Variants in RIC8B observed in about 807,000 individuals in gnomAD.
RIC8B encodes the protein RIC8 guanine nucleotide exchange factor B, also known as chaperone Ric-8B.
Under a neutral mutation model 57.5 loss-of-function variants are expected in RIC8B, and 16 were observed. The observed-to-expected ratio is 0.28, with a 90% CI of 0.19 to 0.42. RIC8B has a LOEUF of 0.42. Among genes scored for constraint, RIC8B ranks in the 10% least tolerant of loss-of-function variants. The pLI is 1.00. For synonymous variants in RIC8B, 216 were observed against 250.8 expected, an observed-to-expected ratio of 0.86 and a Z score of 1.31; for missense variants, 481 against 677.0, an observed-to-expected ratio of 0.71 and a Z score of 3.21.
intron 6 of RIC8B, among the ~76,000 whole-genome samples, chr12:106,850,026 A>G (rs141128919): frequency 7.9e-5 from 12 of 152,352 alleles, no homozygotes; most frequent in African/African-American, 2.9e-4. Flanking sequence ...GCAGGCGAGC[A>G]TTACTGCCTG....
intron 4 of RIC8B, among the ~76,000 whole-genome samples, chr12:106,839,681 C>A (rs559192841): frequency 6.6e-6 from 1 of 152,130 alleles, no homozygotes; most frequent in African/African-American, 2.4e-5. Flanking sequence ...ATAGGTCTTA[C>A]GTTAAGTGCT....
At chr12:106,863,992 T>TA (rs1264912274) in intron 8 of RIC8B, among the ~76,000 whole-genome samples, 2 of 152,170 alleles carry the variant, frequency 1.3e-5, no homozygotes, top group African/African-American at 4.8e-5. Context: ...TTTATGTGGC[T>TA]AATACATGGT....
intron 6 of RIC8B, among the ~76,000 whole-genome samples, chr12:106,845,375 TCTTGA>T (rs1273893385): frequency 6.6e-6 from 1 of 152,182 alleles, no homozygotes; most frequent in Non-Finnish European, 1.5e-5. Context: ...CACTCTCATT[TCTTGA>T]CTTTGTTTCC....
intron 9 of RIC8B, among the ~76,000 whole-genome samples, chr12:106,881,869 T>A (rs1302301753): frequency 6.6e-6 from 1 of 152,132 alleles, no homozygotes; most frequent in East Asian, 1.9e-4. Context: ...CAGTCACACA[T>A]CTGTAAATGA....
chr12:106,781,516 T>A (rs1214951606), intron 1 of RIC8B, among the ~76,000 whole-genome samples: 2 of 152,204 alleles, frequency 1.3e-5, no homozygotes, highest in African/African-American at 2.4e-5. Context: ...CTTAGAGGTT[T>A]GAGCTTCTGA....
intron 4 of RIC8B, among the ~76,000 whole-genome samples, chr12:106,826,080 T>G (rs747096981): frequency 2.8e-4 from 43 of 152,322 alleles, no homozygotes; most frequent in Admixed American, 5.2e-4. Context: ...CCACAAATAG[T>G]TACTGTTCTT....
intron 9 of RIC8B, among the ~76,000 whole-genome samples, chr12:106,885,659 A>G (rs1303097780): frequency 6.6e-6 from 1 of 151,526 alleles, no homozygotes; most frequent in Non-Finnish European, 1.5e-5. Flanking sequence ...GACTTTTCAT[A>G]CTTTTAATTG....
intron 1 of RIC8B, among the ~76,000 whole-genome samples, chr12:106,781,114 A>G (rs2043744051): frequency 6.6e-6 from 1 of 152,014 alleles, no homozygotes; most frequent in African/African-American, 2.4e-5. Context: ...AAATTGAACA[A>G]TGGTTTAACT....
chr12:106,796,055 A>T (rs1401403869), intron 2 of RIC8B, among the ~76,000 whole-genome samples: 2 of 152,228 alleles, frequency 1.3e-5, no homozygotes, highest in Non-Finnish European at 2.9e-5. Flanking sequence ...AAGACTTACT[A>T]TTGCTAAAAT....
At chr12:106,803,205 T>A (rs1414101710) in intron 2 of RIC8B, among the ~76,000 whole-genome samples, 1 of 102,004 alleles carries the variant, frequency 9.8e-6, no homozygotes, top group Non-Finnish European at 1.9e-5. Flanking sequence ...AGAGTGATGA[T>A]ACCCTGTCTC....
chr12:106,820,280 G>A (rs1469801190), intron 3 of RIC8B, among the ~76,000 whole-genome samples: 2 of 152,116 alleles, frequency 1.3e-5, no homozygotes, highest in Non-Finnish European at 2.9e-5. Flanking sequence ...TTAAATTCGT[G>A]CCTGCCTGCT....
At chr12:106,817,374 C>T (rs1488174517) in intron 3 of RIC8B, among the ~76,000 whole-genome samples, 1 of 152,038 alleles carries the variant, frequency 6.6e-6, no homozygotes, top group Non-Finnish European at 1.5e-5. Context: ...GAAGGTCTCT[C>T]CTGAGATCTG....
At chr12:106,792,647 A>G (rs1593107042) in intron 2 of RIC8B, among the ~76,000 whole-genome samples, 1 of 152,180 alleles carries the variant, frequency 6.6e-6, no homozygotes, top group Non-Finnish European at 1.5e-5. Context: ...TCTAAAAGTA[A>G]GAAAAGTGGG....
At chr12:106,833,400 G>A (rs1254415471) in intron 4 of RIC8B, among the ~76,000 whole-genome samples, 4 of 152,004 alleles carry the variant, frequency 2.6e-5, no homozygotes, top group African/African-American at 4.8e-5. Flanking sequence ...TCAGAAGTTC[G>A]AGACCAGCCT....
intron 3 of RIC8B, among the ~76,000 whole-genome samples, chr12:106,824,559 A>G (rs2046004642): frequency 6.6e-6 from 1 of 152,180 alleles, no homozygotes; most frequent in Non-Finnish European, 1.5e-5. Flanking sequence ...TGTATAATTT[A>G]TGAAAATATA....
chr12:106,796,453 T>C (rs939347051), intron 2 of RIC8B, among the ~76,000 whole-genome samples: 1 of 152,074 alleles, frequency 6.6e-6, no homozygotes, highest in African/African-American at 2.4e-5. Context: ...AGGATAAATG[T>C]AGATATTAAC....
At chr12:106,777,757 A>G (rs2043558713) in intron 1 of RIC8B, among the ~76,000 whole-genome samples, 2 of 152,236 alleles carry the variant, frequency 1.3e-5, no homozygotes, top group African/African-American at 4.8e-5. Context: ...TAAAATAGGG[A>G]TAATATCACC....
chr12:106,820,897 G>C (rs940507172), intron 3 of RIC8B, among the ~76,000 whole-genome samples: 7 of 152,028 alleles, frequency 4.6e-5, no homozygotes, highest in Non-Finnish European at 1.0e-4. Context: ...ACCTCATTTC[G>C]ATTTTCACTA....
chr12:106,866,942 G>GGTTTGACAGATTATCCTATTCAC (rs1950165903), intron 8 of RIC8B, among the ~76,000 whole-genome samples: 1 of 152,110 alleles, frequency 6.6e-6, no homozygotes, highest in Non-Finnish European at 1.5e-5. Context: ...AAGCTCCTTT[G>GGTTTGACAGATTATCCTATTCAC]GTTTGACAGA....
Sources: allele counts gnomAD v4.1 joint callset (sites outside exome capture counted in the v4.1 genomes callset), GRCh38; gene constraint gnomAD v4.1.1; transcripts MANE v1.5; gene names NCBI Gene and HGNC (gene_info 2026-07-23, HGNC 2026-07-21).